The following FMN1 variants were observed in gnomAD, a reference collection of about 807,000 sequenced individuals.
The protein encoded by FMN1 is formin-1.
FMN1 carries 110 observed loss-of-function variants against 132.4 expected under a neutral mutation model. The observed-to-expected ratio is 0.83, with a 90% confidence interval of 0.71 to 0.97. The LOEUF is 0.97. Ranked by LOEUF, FMN1 falls within the 50% of genes least tolerant of loss-of-function variation. The probability of loss-of-function intolerance (pLI) is 0.00; values close to 1 mark genes in which losing one functional copy is unlikely to be tolerated. For missense variants in FMN1, 1,792 were observed against 1,705.3 expected (o/e 1.05, Z -0.90); for synonymous variants, 722 against 651.7 (o/e 1.11, Z -1.64).
At chr15:32,783,797 C>T (rs897887643) in intron 19 of FMN1, among the ~76,000 whole-genome samples, 1 of 127,056 alleles carries the variant, frequency 7.9e-6, no homozygotes, top group African/African-American at 2.9e-5. Flanking sequence ...GTTGAAGTGG[C>T]GTGGCTTTCC....
rs372119445 is a variant in FMN1, at chr15:32,969,084, C to A, written c.2617G>T (p.Ala873Ser). ...NQQKALPPPP[A>S]SIPPPPPLPS... ...AGGGGCGGAGGGGGAGGGATGGATG[C>A]GGGAGGCGGAGGCAATGCCTTCTGC... The change falls in exon 8 of 21, where the codon GCA becomes TCA. Residue 873 changes from alanine to serine, a missense_variant. This residue lies in a region of FMN1 where 1,150 missense variants were observed against 1,043.1 expected (regional missense o/e 1.10). Coordinates refer to ENST00000616417, the MANE Select transcript of FMN1 (RefSeq NM_001277313.2). 8 of 1,598,682 alleles carry A rather than the reference C, an allele frequency of 5.0e-6. No individual in the cohort carries two copies. The African/African-American group carries it at 8.0e-5, about 16-fold the overall frequency.
intron 4 of FMN1, among the ~76,000 whole-genome samples, chr15:33,148,940 T>C (rs1435299991): frequency 1.4e-5 from 2 of 148,122 alleles, no homozygotes; most frequent in Non-Finnish European, 2.9e-5. Context: ...TAGAAAAGTG[T>C]ACTTTAGCTA....
chr15:32,979,571 A>G (rs1309711813), intron 7 of FMN1, among the ~76,000 whole-genome samples: 3 of 151,596 alleles, frequency 2.0e-5, no homozygotes, highest in African/African-American at 7.2e-5. Context: ...AAAAAAAAAA[A>G]AAAAAAAAGA....
At chr15:32,865,406 C>T (rs1339420446) in intron 16 of FMN1, among the ~76,000 whole-genome samples, 1 of 152,154 alleles carries the variant, frequency 6.6e-6, no homozygotes, top group East Asian at 1.9e-4. Context: ...ATCTTAGGTG[C>T]AACTATGTCT....
chr15:33,031,742 G>C (rs2035946771), intron 6 of FMN1, among the ~76,000 whole-genome samples: 1 of 152,168 alleles, frequency 6.6e-6, no homozygotes, highest in Non-Finnish European at 1.5e-5. Context: ...GGAGGGCCAG[G>C]CTCATGAAAT....
chr15:32,908,002 A>C (rs2060468423), intron 12 of FMN1, among the ~76,000 whole-genome samples: 1 of 152,210 alleles, frequency 6.6e-6, no homozygotes, highest in Non-Finnish European at 1.5e-5. Context: ...AAGCATGTAC[A>C]GAGTGAGGGT....
At chr15:33,076,077 G>A (rs180750719) in intron 5 of FMN1, among the ~76,000 whole-genome samples, 1 of 152,278 alleles carries the variant, frequency 6.6e-6, no homozygotes, top group East Asian at 1.9e-4. Flanking sequence ...ATGTAAAAGG[G>A]GAGAGAAAGG....
In FMN1 at chr15:32,772,454, A is replaced by T. The variant is rs571098178; in HGVS notation, c.*1856T>A. 6.6e-6 allele frequency: 1 copy of T among 152,258 alleles called. No homozygotes were observed. The highest frequency in any genetic ancestry group is 1.9e-4 in the East Asian group (1 of 5,198). 9.4% of individuals were successfully genotyped at this position (152,258 alleles called of 1,614,324 possible). A position where few individuals can be genotyped will look rare whatever the true frequency, so the allele number is the denominator to read the frequency against. On this transcript the variant is annotated 3_prime_UTR_variant, in exon 21 of 21. Transcript: ENST00000616417. ...GCATACAATGGTTATAAGTGGAATC[A>T]GTTTTTAATTGATCCGTTCTTTTGG... is the stretch of plus-strand genomic sequence containing the variant.
At chr15:33,103,793 T>A (rs766601204) in intron 4 of FMN1, among the ~76,000 whole-genome samples, 1 of 152,146 alleles carries the variant, frequency 6.6e-6, no homozygotes, top group African/African-American at 2.4e-5. Flanking sequence ...TTGAATTTAT[T>A]TGGTCAAGCT....
In FMN1 at chr15:33,153,970, C is replaced by T; in HGVS notation, c.945G>A (p.Lys315=). ...TCTGCTTGCAAGTCCGCTTAGCCGG[C>T]TTCTCCATCTCATCCTTTTCTGCCT... ...HPEAEKDEME[K]PAKRTCKQKP... Residue 315 remains lysine, a synonymous_variant, in exon 4 of 21, where the codon AAG becomes AAA. Transcript: ENST00000616417. The T allele has an allele frequency of 6.5e-7, 1 of 1,536,784 alleles. No individual in the cohort carries two copies. Among genetic ancestry groups the T allele is most frequent in the Non-Finnish European group, 8.7e-7 (1 of 1,147,064 alleles).
chr15:33,193,403 T>C (rs1966146485), intron 2 of FMN1, among the ~76,000 whole-genome samples: 1 of 152,100 alleles, frequency 6.6e-6, no homozygotes, highest in African/African-American at 2.4e-5. Context: ...TATAATTCTC[T>C]CTCCTAGGAA....
intron 4 of FMN1, among the ~76,000 whole-genome samples, chr15:33,124,397 C>T (rs1241660231): frequency 6.6e-6 from 1 of 152,162 alleles, no homozygotes; most frequent in Non-Finnish European, 1.5e-5. Flanking sequence ...CATTTCACCC[C>T]CCTTGCCATT....
chr15:33,109,314 G>A (rs1007543254), intron 4 of FMN1, among the ~76,000 whole-genome samples: 2 of 151,674 alleles, frequency 1.3e-5, no homozygotes, highest in African/African-American at 2.4e-5. Flanking sequence ...ATGGCCAAAG[G>A]GAAAATAAAA....
intron 17 of FMN1, among the ~76,000 whole-genome samples, chr15:32,813,974 C>T (rs2141060676): frequency 6.6e-6 from 1 of 152,332 alleles, no homozygotes; most frequent in East Asian, 1.9e-4. Context: ...CTGTACTACA[C>T]ATCTTCCATA....
intron 19 of FMN1, among the ~76,000 whole-genome samples, chr15:32,792,467 C>A (rs7403384): frequency 0.19 from 28,237 of 148,262 alleles, 3,334 homozygotes; most frequent in Admixed American, 0.27. Context: ...AACAAACAAA[C>A]AAAAAAAACC....
chr15:33,148,642 C>G (rs1039068986), intron 4 of FMN1, among the ~76,000 whole-genome samples: 8 of 152,116 alleles, frequency 5.3e-5, no homozygotes, highest in Non-Finnish European at 8.8e-5. Context: ...GGGTCCCCTC[C>G]ATTAATCTCC....
Position 32,901,988 on chromosome 15 carries a change from T to C in FMN1, c.3430A>G (p.Ile1144Val), listed in dbSNP as rs1313219848. 3.1e-6 allele frequency: 5 copies of C among 1,613,372 alleles called. No homozygotes were observed. The highest frequency in any genetic ancestry group is 1.3e-5 in the African/African-American group (1 of 75,018). ...IPNFAERAQCIIFRSVFSEGI... is the reference protein window; with the variant it reads ...IPNFAERAQCVIFRSVFSEGI... ...TCAGAAAAGACAGATCTGAAGATTA[T>C]GCACTGGGCACGTTCAGCAAAATTA... Residue 1144 changes from isoleucine to valine, a missense_variant, in exon 13 of 21, where the codon ATA becomes GTA. Around this residue, in one of 3 missense-constraint regions of FMN1, gnomAD observed 1,150 missense variants for 1,043.1 expected, o/e 1.10. Coordinates refer to ENST00000616417, the MANE Select transcript of FMN1 (RefSeq NM_001277313.2).
intron 4 of FMN1, among the ~76,000 whole-genome samples, chr15:33,127,745 G>A (rs1423357015): frequency 1.3e-5 from 2 of 152,276 alleles, no homozygotes; most frequent in Non-Finnish European, 1.5e-5. Context: ...GTAATGATAG[G>A]GGAAACCAAT....
At chr15:32,889,747 G>A (rs1171938985) in intron 15 of FMN1, among the ~76,000 whole-genome samples, 5 of 152,204 alleles carry the variant, frequency 3.3e-5, no homozygotes, top group South Asian at 2.1e-4. Context: ...GGCCTATGAC[G>A]CTTACATTAT....
Sources: allele counts gnomAD v4.1 joint callset (sites outside exome capture counted in the v4.1 genomes callset), GRCh38; gene constraint gnomAD v4.1.1; regional missense constraint gnomAD v4.1.1; transcripts MANE v1.5; gene names NCBI Gene and HGNC (gene_info 2026-07-23, HGNC 2026-07-21).